Variants in PPP5C observed in about 807,000 individuals in gnomAD.
The protein encoded by PPP5C is protein phosphatase 5 catalytic subunit.
A neutral mutation model predicts 66.7 loss-of-function variants in PPP5C; 21 were observed. The observed-to-expected ratio is 0.31, with a 90% CI of 0.22 to 0.45. The LOEUF is 0.45. PPP5C is among the 20% of genes least tolerant of loss of function. The pLI is 1.00. For synonymous variants in PPP5C, 246 were observed against 257.4 expected, an observed-to-expected ratio of 0.96 and a Z score of 0.43; for missense variants, 464 against 675.9, an observed-to-expected ratio of 0.69 and a Z score of 3.48.
chr19:46,364,923 G>A (rs921209611), intron 2 of PPP5C, among the ~76,000 whole-genome samples: 2 of 151,938 alleles, frequency 1.3e-5, no homozygotes, highest in Admixed American at 6.6e-5. Context: ...TTTCGGGGCC[G>A]GGGCGGGGGG....
intron 2 of PPP5C, among the ~76,000 whole-genome samples, chr19:46,370,674 G>T (rs1375890981): frequency 6.6e-6 from 1 of 152,050 alleles, no homozygotes; most frequent in Admixed American, 6.6e-5. Flanking sequence ...TTATCTTCTG[G>T]GACCACACTT....
chr19:46,348,085 C>A (rs1161980607), intron 1 of PPP5C, among the ~76,000 whole-genome samples: 1 of 151,978 alleles, frequency 6.6e-6, no homozygotes, highest in Non-Finnish European at 1.5e-5. Context: ...GAAGGCCTTA[C>A]TGAGCAGGAG....
chr19:46,347,168 T>C lies in PPP5C; in HGVS notation c.72T>C (p.Ala24=), dbSNP rs897464269. Residue 24 remains alanine, a synonymous_variant, in exon 1 of 13, where the codon GCT becomes GCC. Transcript: ENST00000012443. ...GGGACGAACCCCCGGCTGATGGAGC[T>C]CTGAAGCGGGCAGAGGAGCTCAAGA... ...PPRDEPPADG[A]LKRAEELKTQ... is the part of the protein sequence containing the mutation. 3.7e-6 allele frequency: 6 copies of C among 1,605,910 alleles called. No homozygotes were observed. In the African/African-American group the frequency reaches 6.7e-5, roughly 18 times the overall value.
At position 46,383,942 on chromosome 19, in the gene PPP5C, A is replaced by G. The variant is rs4803937; in HGVS notation, c.798+64A>G. Reference sequence around the variant, plus strand: ...CCCCCAGCCGCAGCCTCAGGTCTGCACAGAGTGGGAGGAGCCCTTGCCAGG... The same window carrying G: ...CCCCCAGCCGCAGCCTCAGGTCTGCGCAGAGTGGGAGGAGCCCTTGCCAGG... On this transcript the variant is annotated intron_variant, in intron 6 of 12. Coordinates refer to ENST00000012443, the MANE Select transcript of PPP5C (RefSeq NM_006247.4). This position sits in a 1 kb window ranked among gnomAD's most constrained non-coding sequence, Gnocchi z 5.0. 362,765 of 1,345,736 alleles carry G rather than the reference A, an allele frequency of 0.27. 52,879 individuals carry two copies. Among genetic ancestry groups the G allele is most frequent in the Non-Finnish European group, 0.31 (291,186 of 940,210 alleles). 83.4% of individuals were successfully genotyped at this position (1,345,736 alleles called of 1,614,324 possible).
intron 4 of PPP5C, chr19:46,382,479 A>G (rs551645250): frequency 1.3e-5 from 2 of 152,092 alleles, no homozygotes; most frequent in South Asian, 4.2e-4. Context: ...TTTTCTTAAC[A>G]CCTTTTTCCC....
intron 4 of PPP5C, among the ~76,000 whole-genome samples, chr19:46,379,412 T>A (rs2147393788): frequency 6.6e-6 from 1 of 152,290 alleles, no homozygotes; most frequent in South Asian, 2.1e-4. Flanking sequence ...GGTCTCAAAC[T>A]CCTGACCTCA....
chr19:46,349,290 G>GA (rs941979283), intron 1 of PPP5C, among the ~76,000 whole-genome samples: 65 of 142,800 alleles, frequency 4.6e-4, no homozygotes, highest in Non-Finnish European at 5.9e-4. Context: ...TCCGTCTCAA[G>GA]AAAAAAAAAA....
chr19:46,369,589 G>A (rs990371707), intron 2 of PPP5C, among the ~76,000 whole-genome samples: 2 of 145,322 alleles, frequency 1.4e-5, no homozygotes, highest in African/African-American at 5.2e-5. Context: ...CGGACATTGC[G>A]CCACTGCACC....
At position 46,348,778 on chromosome 19, in the gene PPP5C, TAGTG is replaced by T. The variant is rs955128501; in HGVS notation, c.121+1564_121+1567del. ...GAGGGTGAGGCTAAGGAGGAGCACTTAGTGAGGTGGAAAGGAAGCCAGGAAAGGT... is the reference window on the plus strand; with the variant it reads ...GAGGGTGAGGCTAAGGAGGAGCACTTAGGTGGAAAGGAAGCCAGGAAAGGT... On this transcript the variant is annotated intron_variant, in intron 1 of 12. Coordinates refer to ENST00000012443, the MANE Select transcript of PPP5C (RefSeq NM_006247.4). Among the ~76,000 whole-genome samples, 3 of 151,750 alleles carry T rather than the reference TAGTG, an allele frequency of 2.0e-5. No individual in the cohort carries two copies. In the South Asian group the frequency reaches 6.2e-4, roughly 31 times the overall value.
Position 46,388,882 on chromosome 19 carries a change from A to G in PPP5C, c.1355+151A>G, listed in dbSNP as rs544646932. 8.4e-4 allele frequency: 831 copies of G among 983,958 alleles called. 1 individual carries two copies. Among genetic ancestry groups the G allele is most frequent in the South Asian group, 1.5e-3 (86 of 59,288 alleles). 61.0% of individuals were successfully genotyped at this position (983,958 alleles called of 1,614,324 possible). A position where few individuals can be genotyped will look rare whatever the true frequency, so the allele number is the denominator to read the frequency against. On this transcript the variant is annotated intron_variant, in intron 11 of 12. Transcript: ENST00000012443. This position sits in a 1 kb window ranked among gnomAD's most constrained non-coding sequence, Gnocchi z 4.9. ...ACACCCCCGTATGTGTCACCCACCCATGCAGCACCAGTGGGGCCAGCCTGT... is the reference window on the plus strand; with the variant it reads ...ACACCCCCGTATGTGTCACCCACCCGTGCAGCACCAGTGGGGCCAGCCTGT...
chr19:46,384,651 G>A, intron 6 of PPP5C, 153 bp from the exon 7 acceptor site: 1 of 618,714 alleles, frequency 1.6e-6, no homozygotes, highest in Non-Finnish European at 2.9e-6. Flanking sequence ...GATCCCTTGA[G>A]CCCTGCCAAG....
chr19:46,347,459 A>G (rs1170765070), intron 1 of PPP5C, among the ~76,000 whole-genome samples: 1 of 151,806 alleles, frequency 6.6e-6, no homozygotes, highest in African/African-American at 2.4e-5. Flanking sequence ...GGGCGCCACC[A>G]ATTGTGGGGC....
chr19:46,381,946 G>A (rs913464226), intron 4 of PPP5C: 3 of 152,164 alleles, frequency 2.0e-5, no homozygotes, highest in Admixed American at 2.0e-4. Flanking sequence ...CAGAATTCCA[G>A]GGATGTCTTT....
chr19:46,348,219 C>T (rs752707246), intron 1 of PPP5C, among the ~76,000 whole-genome samples: 9 of 151,142 alleles, frequency 6.0e-5, no homozygotes, highest in Non-Finnish European at 1.3e-4. Flanking sequence ...GCTTTGGCTA[C>T]TTAGGGGGAG....
chr19:46,354,012 C>G, intron 2 of PPP5C, 23 bp downstream of exon 2: 1 of 1,607,830 alleles, frequency 6.2e-7, no homozygotes, highest in Middle Eastern at 2.0e-4. Flanking sequence ...GTGGGCCAGG[C>G]CTGGCACCTG....
chr19:46,375,502 G>C, intron 2 of PPP5C, 102 bp from the exon 3 acceptor site: 1 of 1,504,760 alleles, frequency 6.6e-7, no homozygotes, highest in Non-Finnish European at 8.9e-7. Context: ...CGCCCAGGCG[G>C]TCTGACTTCC....
Position 46,390,393 on chromosome 19 carries a change from C to T in PPP5C, c.*47C>T, listed in dbSNP as rs758600585. 15 of 1,551,874 alleles carry T rather than the reference C, an allele frequency of 9.7e-6. No homozygotes were observed. Among genetic ancestry groups the T allele is most frequent in the Admixed American group, 2.0e-5 (1 of 51,084 alleles). ...CATCCCAGGGCCCCTCCAATCCCAC[C>T]GGACCCAGGCCCTGGGCTAGGGGCA... On this transcript the variant is annotated 3_prime_UTR_variant, in exon 13 of 13. Transcript: ENST00000012443.
At chr19:46,360,552 G>A (rs954736151) in intron 2 of PPP5C, among the ~76,000 whole-genome samples, 3 of 151,430 alleles carry the variant, frequency 2.0e-5, no homozygotes, top group African/African-American at 7.3e-5. Flanking sequence ...CCAGGCTGGA[G>A]TGCATTGGCA....
At chr19:46,389,200 C>T (rs887258553) in intron 11 of PPP5C, among the ~76,000 whole-genome samples, 10 of 151,480 alleles carry the variant, frequency 6.6e-5, no homozygotes, top group African/African-American at 2.0e-4. Flanking sequence ...GGCACACACC[C>T]GTAATCCCAG....
Sources: gnomAD v4.1 joint callset for allele counts (sites outside exome capture counted in the v4.1 genomes callset) on GRCh38, gnomAD v4.1.1 for gene constraint, Gnocchi (gnomAD v3.1) non-coding constraint, MANE v1.5 for transcripts, NCBI Gene and HGNC (gene_info 2026-07-23, HGNC 2026-07-21) for gene names.